Variants in STOX2 observed in about 807,000 individuals in gnomAD.
The protein encoded by STOX2 is storkhead box 2.
A neutral mutation model predicts 60.9 loss-of-function variants in STOX2; 28 were observed. The observed-to-expected ratio is 0.46, with a 90% CI of 0.34 to 0.63. The LOEUF (loss-of-function observed/expected upper bound fraction) is 0.63. STOX2 is among the 30% of genes least tolerant of loss of function. STOX2 has a pLI of 0.01. For missense variants in STOX2, 1,024 were observed against 1,187.7 expected, an observed-to-expected ratio of 0.86 and a Z score of 2.03; for synonymous variants, 472 against 463.9, an observed-to-expected ratio of 1.02 and a Z score of -0.22.
intron 1 of STOX2, among the ~76,000 whole-genome samples, chr4:183,880,624 G>A (rs2111172123): frequency 6.6e-6 from 1 of 152,306 alleles, no homozygotes; most frequent in Non-Finnish European, 1.5e-5. Flanking sequence ...GCACTAAAAT[G>A]TTTAGGTTAG....
intron 1 of STOX2, among the ~76,000 whole-genome samples, chr4:183,875,847 A>G (rs1740816973): frequency 6.6e-6 from 1 of 152,212 alleles, no homozygotes; most frequent in Admixed American, 6.5e-5. Context: ...CTTCCCGAGC[A>G]GCTGTGACCA....
chr4:183,804,010 T>C (rs1348666981), intron 1 of STOX2, among the ~76,000 whole-genome samples: 3 of 152,184 alleles, frequency 2.0e-5, no homozygotes, highest in Non-Finnish European at 4.4e-5. Flanking sequence ...ATTTCTAATA[T>C]TTTTAAATGC....
chr4:183,988,728 CCTT>C (rs1423703078), intron 1 of STOX2: 2 of 152,638 alleles, frequency 1.3e-5, no homozygotes, highest in Admixed American at 6.5e-5. Flanking sequence ...GTTACTGGCT[CCTT>C]CTTGTGCTTG....
At chr4:183,885,543 C>T (rs1208561749) in intron 1 of STOX2, among the ~76,000 whole-genome samples, 1 of 152,082 alleles carries the variant, frequency 6.6e-6, no homozygotes, top group Non-Finnish European at 1.5e-5. Flanking sequence ...TGCAGGGTGC[C>T]GGCTGCCTCG....
chr4:183,889,008 C>T (rs1741145971), intron 1 of STOX2, among the ~76,000 whole-genome samples: 2 of 151,594 alleles, frequency 1.3e-5, no homozygotes, highest in Admixed American at 1.3e-4. Flanking sequence ...AAGATGTTCT[C>T]GATGCGTTAT....
At chr4:183,980,678 T>A (rs1300855517) in intron 1 of STOX2, among the ~76,000 whole-genome samples, 1 of 143,668 alleles carries the variant, frequency 7.0e-6, no homozygotes, top group Non-Finnish European at 1.5e-5. Flanking sequence ...TGGAGCGAAT[T>A]TTTTTTCCTT....
At chr4:183,946,202 A>G (rs940725135) in intron 1 of STOX2, among the ~76,000 whole-genome samples, 4 of 149,376 alleles carry the variant, frequency 2.7e-5, no homozygotes, top group African/African-American at 1.0e-4. Flanking sequence ...GGTTAAAATG[A>G]TGGGCTTTCT....
At chr4:183,928,237 T>C (rs1742303561) in intron 1 of STOX2, among the ~76,000 whole-genome samples, 1 of 152,152 alleles carries the variant, frequency 6.6e-6, no homozygotes, top group African/African-American at 2.4e-5. Context: ...GCATTTTGTA[T>C]CTGGTGTACC....
intron 1 of STOX2, among the ~76,000 whole-genome samples, chr4:183,864,815 C>T (rs953387533): frequency 6.6e-6 from 1 of 152,202 alleles, no homozygotes; most frequent in African/African-American, 2.4e-5. Flanking sequence ...AACCACTCCT[C>T]TAGCAATGTG....
intron 1 of STOX2, among the ~76,000 whole-genome samples, chr4:183,927,649 G>A (rs1447478558): frequency 1.3e-5 from 2 of 152,062 alleles, no homozygotes; most frequent in East Asian, 3.8e-4. Flanking sequence ...ACATATTACT[G>A]AGCTGGAAGG....
intron 1 of STOX2, among the ~76,000 whole-genome samples, chr4:183,858,725 A>T (rs1165813836): frequency 6.6e-6 from 1 of 152,248 alleles, no homozygotes; most frequent in African/African-American, 2.4e-5. Context: ...CTATCAAAAT[A>T]TCCTCATCTA....
At chr4:183,996,004 C>T (rs6552728) in intron 1 of STOX2, among the ~76,000 whole-genome samples, 47,042 of 152,150 alleles carry the variant, frequency 0.31, 7,383 homozygotes, top group Middle Eastern at 0.39. Flanking sequence ...CACATGAAAG[C>T]AGTGTCCACA....
At chr4:183,822,678 CA>C (rs1384889580) in intron 1 of STOX2, among the ~76,000 whole-genome samples, 1 of 152,212 alleles carries the variant, frequency 6.6e-6, no homozygotes, top group Non-Finnish European at 1.5e-5. Flanking sequence ...GGAGCAGCTG[CA>C]AATGCAGATG....
intron 1 of STOX2, among the ~76,000 whole-genome samples, chr4:183,850,613 C>G (rs1267971323): frequency 6.6e-6 from 1 of 152,034 alleles, no homozygotes; most frequent in African/African-American, 2.4e-5. Flanking sequence ...CCTGTAATCC[C>G]AGTTACTTGG....
chr4:184,014,738 A>G (rs369020358), intron 3 of STOX2: 229 of 152,266 alleles, frequency 1.5e-3, no homozygotes, highest in African/African-American at 5.0e-3. Context: ...ATTCTTTACC[A>G]CAATTTACCA....
At chr4:183,929,488 G>A (rs866607892) in intron 1 of STOX2, among the ~76,000 whole-genome samples, 2 of 152,090 alleles carry the variant, frequency 1.3e-5, no homozygotes. Flanking sequence ...TGGAGTTTGG[G>A]GACATAATTT....
chr4:183,941,019 C>T (rs753919799), intron 1 of STOX2, among the ~76,000 whole-genome samples: 4 of 152,162 alleles, frequency 2.6e-5, no homozygotes, highest in Non-Finnish European at 5.9e-5. Flanking sequence ...GCCAACCGAC[C>T]ACTTTTTATG....
chr4:183,951,050 C>A (rs1387950684), intron 1 of STOX2, among the ~76,000 whole-genome samples: 2 of 151,560 alleles, frequency 1.3e-5, no homozygotes, highest in Non-Finnish European at 2.9e-5. Context: ...CCCGTCTCTA[C>A]TAAAAATACA....
intron 1 of STOX2, among the ~76,000 whole-genome samples, chr4:183,949,402 G>C (rs774065949): frequency 3.3e-5 from 5 of 152,072 alleles, no homozygotes; most frequent in Non-Finnish European, 1.5e-5. Context: ...GTAATTTGCT[G>C]TACTTTCTTA....
Sources: gnomAD v4.1 joint callset for allele counts (sites outside exome capture counted in the v4.1 genomes callset) on GRCh38, gnomAD v4.1.1 for gene constraint, MANE v1.5 for transcripts, NCBI Gene and HGNC (gene_info 2026-07-23, HGNC 2026-07-21) for gene names.